ZNF317: variants seen among roughly 807,000 people sequenced by gnomAD.
ZNF317 encodes zinc finger protein 317.
ZNF317 carries 17 observed loss-of-function variants against 23.4 expected under a neutral mutation model. That is an observed-to-expected ratio of 0.73 (90% CI 0.50 to 1.09). ZNF317 has a LOEUF of 1.09. ZNF317 is among the 50% of genes least tolerant of loss of function. ZNF317 has a pLI of 0.00. For synonymous variants in ZNF317, 317 were observed against 314.9 expected, an observed-to-expected ratio of 1.01 and a Z score of -0.07; for missense variants, 679 against 796.7, an observed-to-expected ratio of 0.85 and a Z score of 1.78.
At chr19:9,149,188 A>G (rs1416724943) in intron 1 of ZNF317, among the ~76,000 whole-genome samples, 1 of 152,130 alleles carries the variant, frequency 6.6e-6, no homozygotes, top group South Asian at 2.1e-4. Flanking sequence ...AAAGAAAAGG[A>G]GTGGAGAATT....
At position 9,161,702 on chromosome 19, in the gene ZNF317, A is replaced by G. The variant is rs148696681; in HGVS notation, c.*269A>G. ...CTCTTAACAAACACAGGAGGACTTA[A>G]TGGCAGCTTGGCATTTAATGTCAAA... On this transcript the variant is annotated 3_prime_UTR_variant, in exon 7 of 7. Coordinates refer to ENST00000247956, the MANE Select transcript of ZNF317 (RefSeq NM_020933.5). The surrounding 1 kb of genome is among the most constrained non-coding windows in gnomAD (Gnocchi z 4.0). 4,857 of 409,708 alleles carry G rather than the reference A, an allele frequency of 0.012. 120 individuals are homozygous for G. Among genetic ancestry groups the G allele is most frequent in the Admixed American group, 0.082 (2,012 of 24,568 alleles). The allele number at this position is 409,708 out of a possible 1,614,324, so 25.4% of individuals were successfully genotyped here. A position where few individuals can be genotyped will look rare whatever the true frequency, so the allele number is the denominator to read the frequency against.
intron 1 of ZNF317, among the ~76,000 whole-genome samples, chr19:9,148,006 G>A (rs553234041): frequency 6.6e-6 from 1 of 152,174 alleles, no homozygotes; most frequent in East Asian, 1.9e-4. Context: ...TCATTTACAC[G>A]TGTGTGGCAC....
chr19:9,142,879 T>C (rs2050646759), intron 1 of ZNF317, among the ~76,000 whole-genome samples: 2 of 152,212 alleles, frequency 1.3e-5, no homozygotes, highest in Admixed American at 1.3e-4. Flanking sequence ...TTGAGTGAAA[T>C]GTTCCTTTTC....
intron 1 of ZNF317, among the ~76,000 whole-genome samples, chr19:9,145,587 T>C (rs1449444191): frequency 1.3e-5 from 2 of 152,254 alleles, no homozygotes; most frequent in African/African-American, 4.8e-5. Context: ...ATTATCTGGT[T>C]CATTGTGCTT....
intron 1 of ZNF317, among the ~76,000 whole-genome samples, chr19:9,142,177 T>G (rs1222845809): frequency 6.6e-6 from 1 of 152,238 alleles, no homozygotes; most frequent in Non-Finnish European, 1.5e-5. Context: ...GGGAACTTTG[T>G]TTTTTGGTGC....
chr19:9,162,084 T>G lies in ZNF317; in HGVS notation c.*651T>G, dbSNP rs545676800. On this transcript the variant is annotated 3_prime_UTR_variant, in exon 7 of 7. Transcript: ENST00000247956. ...GTCATCTGCCCCTTTCCAGAAAAAC[T>G]TGGCCGACCCTTGGTCTACAGCACG... 6.6e-6 allele frequency: 1 copy of G among 152,340 alleles called. No individual in the cohort carries two copies. Among genetic ancestry groups the G allele is most frequent in the Non-Finnish European group, 1.5e-5 (1 of 68,090 alleles). The allele number at this position is 152,340 out of a possible 1,614,324, so 9.4% of individuals were successfully genotyped here.
At chr19:9,150,718 A>G (rs1263740295) in intron 1 of ZNF317, among the ~76,000 whole-genome samples, 1 of 152,146 alleles carries the variant, frequency 6.6e-6, no homozygotes, top group Non-Finnish European at 1.5e-5. Context: ...GAAGAGGGAG[A>G]TAGATTCATA....
intron 4 of ZNF317, chr19:9,157,605 A>C: frequency 3.2e-6 from 2 of 627,104 alleles, no homozygotes; most frequent in Non-Finnish European, 4.9e-6. Flanking sequence ...TGAGCTTGGC[A>C]TGGGCTTCTG....
intron 1 of ZNF317, among the ~76,000 whole-genome samples, chr19:9,151,081 A>T (rs1480327490): frequency 1.3e-5 from 2 of 152,134 alleles, no homozygotes; most frequent in Non-Finnish European, 2.9e-5. Flanking sequence ...GTGGAATGGG[A>T]CCTGCAGAAG....
chr19:9,140,729 C>G (rs764457702), intron 1 of ZNF317, 137 bp downstream of exon 1: 84 of 361,594 alleles, frequency 2.3e-4, no homozygotes, highest in Non-Finnish European at 3.5e-4. Context: ...GCGTTTAGAT[C>G]TCGCGATCAG....
intron 6 of ZNF317, among the ~76,000 whole-genome samples, chr19:9,159,629 C>T (rs2050825249): frequency 1.3e-5 from 2 of 152,158 alleles, no homozygotes; most frequent in South Asian, 4.1e-4. Flanking sequence ...TCACTGCAGC[C>T]TCCACCTTTC....
chr19:9,142,303 T>TTTTGTTTG (rs150909741), intron 1 of ZNF317, among the ~76,000 whole-genome samples: 11 of 151,888 alleles, frequency 7.2e-5, no homozygotes, highest in Non-Finnish European at 1.2e-4. Flanking sequence ...AAATTGTCTT[T>TTTTGTTTG]TTTGTTTGTT....
rs375838653 is a variant in ZNF317, at chr19:9,160,739, C to T, written c.1094C>T (p.Thr365Met). ...ACGGGGGAGAAGCCCTACGCGTGCA[C>T]GCAGTGCGGCAAAGCCTTCCGCTGG... ...NHTGEKPYAC[T>M]QCGKAFRWKS... The change falls in exon 7 of 7, where the codon ACG (threonine) becomes ATG (methionine). Residue 365 changes from threonine (T) to methionine (M), a missense_variant. Physicochemically the swap from Thr to Met is moderately conservative, Grantham distance 81. Transcript: ENST00000247956. The surrounding 1 kb of genome is among the most constrained non-coding windows in gnomAD (Gnocchi z 6.8). The T allele has an allele frequency of 1.4e-5, 23 of 1,611,838 alleles. No individual in the cohort carries two copies. Among genetic ancestry groups the T allele is most frequent in the Middle Eastern group, 1.6e-4 (1 of 6,068 alleles).
chr19:9,144,815 T>C (rs1366473098), intron 1 of ZNF317, among the ~76,000 whole-genome samples: 1 of 152,188 alleles, frequency 6.6e-6, no homozygotes, highest in Admixed American at 6.5e-5. Context: ...TTTGCTTTGG[T>C]TCTTTAATTA....
chr19:9,150,629 G>A (rs976487555), intron 1 of ZNF317, among the ~76,000 whole-genome samples: 1 of 152,324 alleles, frequency 6.6e-6, no homozygotes, highest in Admixed American at 6.5e-5. Context: ...TCAAGCCAGA[G>A]TCTTCAAAAG....
At position 9,141,796 on chromosome 19, in the gene ZNF317, T is replaced by TTTG. The variant is rs979127264; in HGVS notation, c.-93+1219_-93+1221dup. 3.9e-5 allele frequency among the ~76,000 whole-genome samples: 6 copies of TTTG among 152,052 alleles called. No individual in the cohort carries two copies. In the South Asian group the frequency reaches 1.0e-3, roughly 26 times the overall value. On this transcript the variant is annotated intron_variant, in intron 1 of 6. Transcript: ENST00000247956. ...TTTAATGCCTTTCAATAAAGTGTTT[T>TTTG]TTGTTGTTGTTGTTGTTTTTTCCTT...
intron 1 of ZNF317, among the ~76,000 whole-genome samples, chr19:9,142,051 C>T (rs527674496): frequency 2.0e-5 from 3 of 152,176 alleles, no homozygotes; most frequent in African/African-American, 7.2e-5. Context: ...GGTGATCCAC[C>T]GGCCTTGGCC....
intron 1 of ZNF317, among the ~76,000 whole-genome samples, chr19:9,146,029 A>G (rs1220349191): frequency 6.6e-6 from 1 of 151,822 alleles, no homozygotes; most frequent in Non-Finnish European, 1.5e-5. Flanking sequence ...TCTAAAAGCT[A>G]TTTACTTAGG....
intron 1 of ZNF317, among the ~76,000 whole-genome samples, chr19:9,151,268 G>C (rs2050733608): frequency 6.6e-6 from 1 of 152,174 alleles, no homozygotes; most frequent in African/African-American, 2.4e-5. Flanking sequence ...ATGCATCTTT[G>C]AGTTGGCCCA....
Sources: gnomAD v4.1 joint callset for allele counts (sites outside exome capture counted in the v4.1 genomes callset) on GRCh38, gnomAD v4.1.1 for gene constraint, Gnocchi (gnomAD v3.1) non-coding constraint, MANE v1.5 for transcripts, NCBI Gene and HGNC (gene_info 2026-07-23, HGNC 2026-07-21) for gene names.